Variants in ATP8A1 observed in about 807,000 individuals in gnomAD.
ATP8A1 encodes ATPase phospholipid transporting 8A1.
In ATP8A1, 90 loss-of-function variants were observed where a neutral mutation model predicts 177.7. The ratio of observed to expected loss-of-function variants is 0.51; its 90% CI spans 0.43 to 0.60. The LOEUF (loss-of-function observed/expected upper bound fraction) is 0.60. Among genes scored for constraint, ATP8A1 ranks in the 20% least tolerant of loss-of-function variants. ATP8A1 has a pLI of 0.00. For synonymous variants in ATP8A1, 493 were observed against 485.9 expected (o/e 1.01, Z -0.19); for missense variants, 1,072 against 1,392.8 (o/e 0.77, Z 3.67).
intron 6 of ATP8A1, 81 bp from the exon 7 acceptor site, chr4:42,590,965 GAGAC>G (rs1734115893): frequency 8.0e-6 from 10 of 1,254,130 alleles, no homozygotes; most frequent in Admixed American, 2.1e-5. Context: ...ATGGACAAAA[GAGAC>G]AGAAAGTTCG....
At chr4:42,596,223 G>A (rs1228744265) in intron 6 of ATP8A1, among the ~76,000 whole-genome samples, 1 of 152,182 alleles carries the variant, frequency 6.6e-6, no homozygotes, top group African/African-American at 2.4e-5. Flanking sequence ...GGAATGTCAT[G>A]ATAAAGCAAT....
intron 20 of ATP8A1, among the ~76,000 whole-genome samples, chr4:42,539,303 G>C (rs916342607): frequency 1.1e-4 from 16 of 151,984 alleles, no homozygotes; most frequent in African/African-American, 2.9e-4. Flanking sequence ...TACATATTGG[G>C]TATCGCGTAC....
intron 4 of ATP8A1, among the ~76,000 whole-genome samples, chr4:42,621,926 G>C (rs986792710): frequency 1.3e-5 from 2 of 152,076 alleles, no homozygotes; most frequent in East Asian, 3.9e-4. Context: ...AAATAAGACT[G>C]CACACCTACA....
At chr4:42,582,272 A>AAGCC (rs1335606851) in intron 9 of ATP8A1, among the ~76,000 whole-genome samples, 14 of 152,192 alleles carry the variant, frequency 9.2e-5, no homozygotes, top group Non-Finnish European at 1.6e-4. Context: ...TCCATCATTA[A>AAGCC]AGCCACCTAG....
chr4:42,565,681 G>C (rs1321459477), intron 15 of ATP8A1, among the ~76,000 whole-genome samples: 1 of 152,192 alleles, frequency 6.6e-6, no homozygotes, highest in Non-Finnish European at 1.5e-5. Flanking sequence ...GCTTCAAAAT[G>C]ATAGTGGGGG....
intron 16 of ATP8A1, among the ~76,000 whole-genome samples, chr4:42,553,722 C>T (rs891309743): frequency 1.3e-5 from 2 of 152,002 alleles, no homozygotes; most frequent in African/African-American, 2.4e-5. Context: ...AGACATGGTC[C>T]CTGCCATGTG....
intron 22 of ATP8A1, among the ~76,000 whole-genome samples, chr4:42,514,919 T>C (rs1015343950): frequency 3.3e-5 from 5 of 152,204 alleles, no homozygotes; most frequent in Non-Finnish European, 7.3e-5. Flanking sequence ...CATTTTTGAG[T>C]ATACTAGGAA....
intron 1 of ATP8A1, among the ~76,000 whole-genome samples, chr4:42,635,783 A>ATATATATATATATATATG (rs1739255387): frequency 1.1e-4 from 2 of 18,986 alleles, no homozygotes; most frequent in Non-Finnish European, 2.2e-4. Flanking sequence ...ACACACACAC[A>ATATATATATATATATATG]TATATATATA....
chr4:42,509,506 CAT>C (rs1724775935), intron 22 of ATP8A1, among the ~76,000 whole-genome samples: 1 of 152,222 alleles, frequency 6.6e-6, no homozygotes, highest in African/African-American at 2.4e-5. Context: ...GATACACACA[CAT>C]GTCCCCCACT....
Position 42,448,396 on chromosome 4 carries a change from C to CTTTATTTTTTTTTTTT in ATP8A1, c.2897-1753_2897-1752insAAAAAAAAAAAATAAA, listed in dbSNP as rs778022629. ...GTAGCCTCCCTCCCTCCTTCTCTTT[C>CTTTATTTTTTTTTTTT]TTTTCTTTTTTTTTTTTTTGAGATG... On this transcript the variant is annotated intron_variant, in intron 30 of 36. Transcript: ENST00000381668. Among the ~76,000 whole-genome samples, 22 of 84,144 alleles carry CTTTATTTTTTTTTTTT rather than the reference C, an allele frequency of 2.6e-4. 1 individual carries two copies. The highest frequency in any genetic ancestry group is 8.9e-4 in the South Asian group (2 of 2,240). The allele number at this position is 84,144 out of a possible 152,430, so 55.2% of individuals were successfully genotyped here.
In ATP8A1 at chr4:42,441,226, T is replaced by C. The variant is rs73810708; in HGVS notation, c.3123+2339A>G. Reference sequence around the variant, plus strand: ...ATAATATATGTAATGTACAATATATTACAATAATATATTGCTATGAAAGTT... The same window carrying C: ...ATAATATATGTAATGTACAATATATCACAATAATATATTGCTATGAAAGTT... On this transcript the variant is annotated intron_variant, in intron 33 of 36. Coordinates refer to ENST00000381668, the MANE Select transcript of ATP8A1 (RefSeq NM_006095.2). Among the ~76,000 whole-genome samples the C allele has an allele frequency of 3.5e-3, 537 of 152,258 alleles. 2 individuals are homozygous for C. The highest frequency in any genetic ancestry group is 0.012 in the African/African-American group (517 of 41,554).
chr4:42,443,636 A>G lies in ATP8A1; in HGVS notation c.3052T>C (p.Trp1018Arg). The change falls in exon 33 of 37, where the codon TGG (tryptophan) becomes CGG (arginine). Residue 1018 changes from tryptophan (W) to arginine (R), a missense_variant. By Grantham distance (101) the Trp-to-Arg change is moderately radical. This residue lies in a region of ATP8A1 where 316 missense variants were observed against 459.1 expected (regional missense o/e 0.69). Transcript: ENST00000381668. ...GAGTAGATTCCAAAAAACACCACCC[A>G]GAGTGCGATGCTCCCCCATATCGCT... is the stretch of plus-strand genomic sequence containing the variant. ...HIAIWGSIAL[W>R]VVFFGIYSSL... is the part of the protein sequence containing the mutation. 6.4e-7 allele frequency: 1 copy of G among 1,572,228 alleles called. No homozygotes were observed. Among genetic ancestry groups the G allele is most frequent in the Non-Finnish European group, 8.8e-7 (1 of 1,141,872 alleles).
chr4:42,420,619 C>G (rs1560304115), intron 35 of ATP8A1, among the ~76,000 whole-genome samples: 1 of 152,126 alleles, frequency 6.6e-6, no homozygotes, highest in Non-Finnish European at 1.5e-5. Flanking sequence ...AAAAGACAAA[C>G]TAAGTATCAC....
intron 28 of ATP8A1, 43 bp from the exon 29 acceptor site, chr4:42,455,462 A>T (rs746647012): frequency 6.2e-7 from 1 of 1,613,600 alleles, no homozygotes; most frequent in African/African-American, 1.3e-5. Context: ...AGCCAAATGC[A>T]GGGTGAACCT....
intron 8 of ATP8A1, among the ~76,000 whole-genome samples, chr4:42,586,843 T>C (rs1173114004): frequency 3.3e-5 from 5 of 152,222 alleles, no homozygotes; most frequent in Non-Finnish European, 7.3e-5. Context: ...TGAAAATGGA[T>C]GGAATCTGTG....
intron 5 of ATP8A1, among the ~76,000 whole-genome samples, chr4:42,601,738 G>A (rs1420432778): frequency 6.6e-6 from 1 of 152,106 alleles, no homozygotes; most frequent in Non-Finnish European, 1.5e-5. Context: ...CTGGCACACA[G>A]TAGCTACTCA....
chr4:42,645,753 T>C (rs893828320), intron 1 of ATP8A1, among the ~76,000 whole-genome samples: 3 of 152,192 alleles, frequency 2.0e-5, no homozygotes, highest in African/African-American at 7.2e-5. Flanking sequence ...CATTTACCCA[T>C]GACAATGAAA....
At chr4:42,455,443 A>G (rs1374397012) in intron 28 of ATP8A1, 24 bp from the exon 29 acceptor site, 18 of 1,613,638 alleles carry the variant, frequency 1.1e-5, no homozygotes, top group Non-Finnish European at 1.4e-5. Flanking sequence ...ACTGGTCATT[A>G]TGTCAAGCAG....
chr4:42,653,701 G>A (rs1252164815), intron 1 of ATP8A1, among the ~76,000 whole-genome samples: 2 of 152,172 alleles, frequency 1.3e-5, no homozygotes, highest in Non-Finnish European at 2.9e-5. Flanking sequence ...ATTGGAGTTA[G>A]GCTTAAATAA....
Sources: gnomAD v4.1 joint callset for allele counts (sites outside exome capture counted in the v4.1 genomes callset) on GRCh38, gnomAD v4.1.1 for gene constraint, gnomAD v4.1.1 regional missense constraint, MANE v1.5 for transcripts, NCBI Gene and HGNC (gene_info 2026-07-23, HGNC 2026-07-21) for gene names.